DGKB: variants seen among roughly 807,000 people sequenced by gnomAD.
DGKB encodes diacylglycerol kinase beta, also known as 90 kDa diacylglycerol kinase.
Under a neutral mutation model 114.3 loss-of-function variants are expected in DGKB, and 67 were observed. The ratio of observed to expected loss-of-function variants is 0.59; its 90% confidence interval spans 0.48 to 0.72. The LOEUF (loss-of-function observed/expected upper bound fraction) is 0.72, where lower values mean the gene tolerates loss of function less well. DGKB is among the 30% of genes least tolerant of loss of function. The probability of loss-of-function intolerance (pLI) is 0.00; values close to 1 mark genes in which losing one functional copy is unlikely to be tolerated. For synonymous variants in DGKB, 398 were observed against 323.1 expected, an observed-to-expected ratio of 1.23 and a Z score of -2.49; for missense variants, 907 against 975.2, an observed-to-expected ratio of 0.93 and a Z score of 0.93.
chr7:14,420,751 C>G (rs968089979), intron 21 of DGKB, among the ~76,000 whole-genome samples: 1 of 151,968 alleles, frequency 6.6e-6, no homozygotes, highest in African/African-American at 2.4e-5. Context: ...TGATTCAGTT[C>G]AATTCAAATA....
intron 23 of DGKB, among the ~76,000 whole-genome samples, chr7:14,227,282 C>T (rs1001212988): frequency 1.2e-4 from 18 of 152,006 alleles, no homozygotes; most frequent in Non-Finnish European, 2.1e-4. Context: ...TTCATGCACA[C>T]CACACTGTAA....
intron 21 of DGKB, among the ~76,000 whole-genome samples, chr7:14,457,128 A>G (rs1359794280): frequency 1.3e-5 from 2 of 152,198 alleles, no homozygotes; most frequent in African/African-American, 4.8e-5. Flanking sequence ...ACACAGATAC[A>G]TCATATATTT....
chr7:14,289,201 T>C (rs935827152), intron 23 of DGKB, among the ~76,000 whole-genome samples: 1 of 152,086 alleles, frequency 6.6e-6, no homozygotes, highest in Non-Finnish European at 1.5e-5. Flanking sequence ...TTTTGAAATG[T>C]TGCATTGGTG....
At chr7:14,240,721 C>T (rs955923238) in intron 23 of DGKB, among the ~76,000 whole-genome samples, 1 of 152,110 alleles carries the variant, frequency 6.6e-6, no homozygotes, top group African/African-American at 2.4e-5. Context: ...AGCTACCTTT[C>T]TACTCTGACA....
chr7:14,686,028 C>T (rs888006167), intron 9 of DGKB, among the ~76,000 whole-genome samples: 1 of 151,816 alleles, frequency 6.6e-6, no homozygotes, highest in Non-Finnish European at 1.5e-5. Flanking sequence ...TTTTGTTTAC[C>T]CCCTTATAAA....
intron 20 of DGKB, among the ~76,000 whole-genome samples, chr7:14,496,920 G>T (rs1011597718): frequency 6.6e-6 from 1 of 151,742 alleles, no homozygotes; most frequent in African/African-American, 2.4e-5. Context: ...GTGCTTCAAG[G>T]TCTATATTGA....
chr7:14,435,902 G>A (rs762358396), intron 21 of DGKB, among the ~76,000 whole-genome samples: 1 of 151,976 alleles, frequency 6.6e-6, no homozygotes, highest in Non-Finnish European at 1.5e-5. Context: ...ACCTATTATT[G>A]TAATATTCTT....
intron 1 of DGKB, among the ~76,000 whole-genome samples, chr7:14,940,427 C>G (rs1259597150): frequency 6.7e-6 from 1 of 149,674 alleles, no homozygotes; most frequent in African/African-American, 2.5e-5. Flanking sequence ...TACTATAATT[C>G]TGCTGAGAAG....
chr7:14,633,484 T>C lies in DGKB; in HGVS notation c.1135-3216A>G, dbSNP rs75066463. On this transcript the variant is annotated intron_variant, in intron 13 of 25. Coordinates refer to ENST00000402815, the MANE Select transcript of DGKB (RefSeq NM_001350709.2). ...TAAAGAGTTATATATTAAATGTACA[T>C]GCCCATCAGTAGTTTATTCCTGTTA... is the stretch of plus-strand genomic sequence containing the variant. Among the ~76,000 whole-genome samples the C allele has an allele frequency of 4.8e-3, 730 of 152,012 alleles. 6 individuals carry two copies. Among genetic ancestry groups the C allele is most frequent in the African/African-American group, 0.016 (677 of 41,534 alleles).
At chr7:14,420,767 T>C (rs1826537675) in intron 21 of DGKB, among the ~76,000 whole-genome samples, 1 of 152,064 alleles carries the variant, frequency 6.6e-6, no homozygotes, top group Non-Finnish European at 1.5e-5. Context: ...AAATATTAAC[T>C]AACTAAATCC....
At chr7:14,670,472 T>G (rs1818785063) in intron 13 of DGKB, among the ~76,000 whole-genome samples, 1 of 151,882 alleles carries the variant, frequency 6.6e-6, no homozygotes. Flanking sequence ...ACAGCTAAAT[T>G]TTTGTATGTT....
intron 4 of DGKB, among the ~76,000 whole-genome samples, chr7:14,740,898 A>T (rs564357988): frequency 1.3e-5 from 2 of 152,244 alleles, no homozygotes; most frequent in African/African-American, 4.8e-5. Flanking sequence ...AAAGAAGGAA[A>T]GAGGAAGCTT....
intron 23 of DGKB, among the ~76,000 whole-genome samples, chr7:14,188,742 C>T (rs1158407807): frequency 2.0e-5 from 3 of 150,510 alleles, no homozygotes; most frequent in South Asian, 4.2e-4. Flanking sequence ...ATAATCAAAC[C>T]GTCAAAAGTC....
intron 23 of DGKB, among the ~76,000 whole-genome samples, chr7:14,306,913 C>T (rs1804574260): frequency 6.6e-6 from 1 of 152,106 alleles, no homozygotes; most frequent in African/African-American, 2.4e-5. Context: ...ATTCCTCTTC[C>T]CCTTAGCTTA....
chr7:14,686,710 A>C (rs1310365961), intron 9 of DGKB, among the ~76,000 whole-genome samples: 1 of 152,150 alleles, frequency 6.6e-6, no homozygotes, highest in Admixed American at 6.5e-5. Context: ...TACAGTAACT[A>C]ATTCTTACAT....
chr7:14,470,655 A>G (rs1476645248), intron 21 of DGKB, among the ~76,000 whole-genome samples: 1 of 151,962 alleles, frequency 6.6e-6, no homozygotes, highest in Non-Finnish European at 1.5e-5. Context: ...ATAAATACAA[A>G]TATCTCCTAT....
chr7:14,160,494 G>C (rs1783717545), intron 25 of DGKB, among the ~76,000 whole-genome samples: 1 of 152,054 alleles, frequency 6.6e-6, no homozygotes, highest in Non-Finnish European at 1.5e-5. Context: ...GACAAACAGA[G>C]AGCCAACTCC....
intron 23 of DGKB, among the ~76,000 whole-genome samples, chr7:14,310,223 G>C (rs547681573): frequency 6.6e-6 from 1 of 152,152 alleles, no homozygotes; most frequent in Non-Finnish European, 1.5e-5. Flanking sequence ...AGAGTGTGTT[G>C]TGGAGAAGGA....
intron 17 of DGKB, among the ~76,000 whole-genome samples, chr7:14,588,958 A>G (rs552141828): frequency 1.4e-3 from 212 of 152,228 alleles, no homozygotes; most frequent in African/African-American, 5.1e-3. Flanking sequence ...AAGTTGCATT[A>G]AAACTATATA....
Sources: gnomAD v4.1 joint callset for allele counts (sites outside exome capture counted in the v4.1 genomes callset) on GRCh38, gnomAD v4.1.1 for gene constraint, MANE v1.5 for transcripts, NCBI Gene and HGNC (gene_info 2026-07-23, HGNC 2026-07-21) for gene names.